ZNF10: variants seen among roughly 807,000 people sequenced by gnomAD.
ZNF10 encodes the protein zinc finger protein 10 (KOX 1).
Under a neutral mutation model 12.2 loss-of-function variants are expected in ZNF10, and 8 were observed. The observed-to-expected ratio is 0.66, with a 90% confidence interval of 0.39 to 1.18. The LOEUF is 1.18. Among genes scored for constraint, ZNF10 ranks in the 50% most tolerant of loss-of-function variants. The pLI is 0.01. For missense variants in ZNF10, 603 were observed against 678.9 expected (o/e 0.89, Z 1.24); for synonymous variants, 229 against 228.2 (o/e 1.00, Z -0.03).
Position 133,151,169 on chromosome 12 carries a change from G to A in ZNF10, c.160+15G>A. 1 of 1,604,712 alleles carries A rather than the reference G, an allele frequency of 6.2e-7. No homozygotes were observed. The highest frequency in any genetic ancestry group is 8.5e-7 in the Non-Finnish European group (1 of 1,174,364). On this transcript the variant is annotated intron_variant, in intron 3 of 4. Coordinates refer to ENST00000248211, the MANE Select transcript of ZNF10 (RefSeq NM_015394.5). ...GGTTTCCTTGGGTAAGACTAGCTCT[G>A]TTTTTGAAGATTTTGGTTCTCCATT... is the stretch of plus-strand genomic sequence containing the variant.
intron 4 of ZNF10, among the ~76,000 whole-genome samples, chr12:133,155,059 CAA>C (rs1017829559): frequency 4.1e-5 from 6 of 146,600 alleles, no homozygotes; most frequent in African/African-American, 1.3e-4. Context: ...GCCTGGACAA[CAA>C]GAGCGAAACT....
chr12:133,142,258 A>G (rs1020466431), intron 1 of ZNF10, among the ~76,000 whole-genome samples: 27 of 152,108 alleles, frequency 1.8e-4, no homozygotes, highest in African/African-American at 5.8e-4. Context: ...CCCCGTCTCT[A>G]CTAAAAAATA....
In ZNF10 at chr12:133,155,981, C is replaced by G; in HGVS notation, c.735C>G (p.Asn245Lys). The change falls in exon 5 of 5, where the codon AAC becomes AAG. Residue 245 changes from asparagine to lysine, a missense_variant. Asn to Lys is a moderately conservative substitution (Grantham distance 94). Around this residue, in one of 3 missense-constraint regions of ZNF10, gnomAD observed 393 missense variants for 399.7 expected, o/e 0.98. Coordinates refer to ENST00000248211, the MANE Select transcript of ZNF10 (RefSeq NM_015394.5). ...CCTACAAATGCCCTGATAATGACAA[C>G]TCTCTTACTCATGGTTCATCTCTTG... is the stretch of plus-strand genomic sequence containing the variant. The part of the protein sequence containing the change: ...DKSYKCPDND[N>K]SLTHGSSLGI... 2 of 1,613,998 alleles carry G rather than the reference C, an allele frequency of 1.2e-6. No individual in the cohort carries two copies. The highest frequency in any genetic ancestry group is 1.7e-6 in the Non-Finnish European group (2 of 1,180,008).
chr12:133,142,274 A>G (rs1194703141), intron 1 of ZNF10, among the ~76,000 whole-genome samples: 1 of 151,970 alleles, frequency 6.6e-6, no homozygotes, highest in African/African-American at 2.4e-5. Context: ...AAATACAAAA[A>G]ATTAGCTTTG....
At chr12:133,152,835 A>G (rs1474924846) in intron 4 of ZNF10, among the ~76,000 whole-genome samples, 1 of 152,204 alleles carries the variant, frequency 6.6e-6, no homozygotes, top group Non-Finnish European at 1.5e-5. Context: ...TTTAGCCTCA[A>G]GTTCTTTCCC....
Position 133,155,509 on chromosome 12 carries a change from A to G in ZNF10, c.263A>G (p.Glu88Gly), listed in dbSNP as rs1001697963. 2 of 1,585,496 alleles carry G rather than the reference A, an allele frequency of 1.3e-6. No individual in the cohort carries two copies. The highest frequency in any genetic ancestry group is 1.7e-6 in the Non-Finnish European group (2 of 1,169,560). The change falls in exon 5 of 5, where the codon GAG becomes GGG. Residue 88 changes from glutamate (E) to glycine (G), a missense_variant. By Grantham distance (98) the Glu-to-Gly change is moderately conservative (BLOSUM62 -2). Around this residue, in one of 3 missense-constraint regions of ZNF10, gnomAD observed 393 missense variants for 399.7 expected, o/e 0.98. Coordinates refer to ENST00000248211, the MANE Select transcript of ZNF10 (RefSeq NM_015394.5). Reference protein sequence around the residue: ...EIHQETHPDSETAFEIKSSVS... With the variant: ...EIHQETHPDSGTAFEIKSSVS... ...CATTTTTCATTTCTTTCAGATTCAG[A>G]GACTGCATTTGAAATCAAATCATCA...
rs759057441 is a variant in ZNF10, at chr12:133,156,781, T to C, written c.1535T>C (p.Val512Ala). The change falls in exon 5 of 5, where the codon GTT (valine) becomes GCT (alanine). Residue 512 changes from valine to alanine, a missense_variant. Val to Ala is a moderately conservative substitution (Grantham distance 64). Coordinates refer to ENST00000248211, the MANE Select transcript of ZNF10 (RefSeq NM_015394.5). Reference sequence around the variant, plus strand: ...CTCATTAAGCACCAGAGAATTCATGTTGGAGAAGAGACCTATAAATGTAAT... The same window carrying C: ...CTCATTAAGCACCAGAGAATTCATGCTGGAGAAGAGACCTATAAATGTAAT... ...NDLIKHQRIHVGEETYKCNQC... is the reference protein window; with the variant it reads ...NDLIKHQRIHAGEETYKCNQC... 9.0e-5 allele frequency: 143 copies of C among 1,584,254 alleles called. No individual in the cohort carries two copies. In the East Asian group the frequency reaches 3.1e-3, roughly 35 times the overall value.
chr12:133,142,532 A>G (rs1310747883), intron 1 of ZNF10, among the ~76,000 whole-genome samples: 1 of 152,166 alleles, frequency 6.6e-6, no homozygotes, highest in Non-Finnish European at 1.5e-5. Context: ...AATTGTAAAC[A>G]TGGGTAAAGG....
In ZNF10 at chr12:133,140,446, T is replaced by TTA. The variant is rs1555299095; in HGVS notation, c.-59-3988_-59-3987insTA. Among the ~76,000 whole-genome samples the TTA allele has an allele frequency of 4.0e-4, 58 of 146,586 alleles. 1 individual carries two copies. Among genetic ancestry groups the TTA allele is most frequent in the East Asian group, 1.6e-3 (8 of 5,040 alleles). On this transcript the variant is annotated intron_variant, in intron 1 of 4. Transcript: ENST00000248211. ...TAGACGTCTTTTTTTTTTTTTTTTT[T>TTA]AAATAAGTCTTACCACGTGTCAGGC... is the stretch of plus-strand genomic sequence containing the variant.
intron 1 of ZNF10, among the ~76,000 whole-genome samples, chr12:133,135,822 A>G (rs1001453961): frequency 6.6e-6 from 1 of 152,236 alleles, no homozygotes; most frequent in Non-Finnish European, 1.5e-5. Context: ...CCCAGCCCAG[A>G]ACACTGCACA....
intron 4 of ZNF10, among the ~76,000 whole-genome samples, chr12:133,153,728 C>T (rs767684230): frequency 2.7e-4 from 41 of 152,072 alleles, no homozygotes; most frequent in African/African-American, 9.7e-4. Context: ...CCTGGGGCTG[C>T]GGTAACAAAG....
intron 2 of ZNF10, among the ~76,000 whole-genome samples, chr12:133,149,293 T>C (rs1480618404): frequency 1.3e-5 from 2 of 150,864 alleles, no homozygotes; most frequent in Non-Finnish European, 3.0e-5. Flanking sequence ...AGGATCTCCC[T>C]ATGTTGTCCA....
intron 2 of ZNF10, chr12:133,144,778 G>T (rs973303860): frequency 1.2e-5 from 6 of 492,890 alleles, no homozygotes; most frequent in Non-Finnish European, 2.2e-5. Flanking sequence ...TGACAGAATG[G>T]AATGAGATTA....
At chr12:133,141,380 C>T (rs919626421) in intron 1 of ZNF10, among the ~76,000 whole-genome samples, 3 of 151,968 alleles carry the variant, frequency 2.0e-5, no homozygotes, top group South Asian at 2.1e-4. Flanking sequence ...ATAGTGAGGA[C>T]GGTAATAATG....
Position 133,144,314 on chromosome 12 carries a change from T to C in ZNF10, c.-59-120T>C, listed in dbSNP as rs998766580. The C allele has an allele frequency of 9.7e-6, 5 of 517,760 alleles. No individual in the cohort carries two copies. In the Admixed American group the frequency reaches 1.5e-4, roughly 15 times the overall value. The allele number at this position is 517,760 out of a possible 1,614,324, so 32.1% of individuals were successfully genotyped here. A position where few individuals can be genotyped will look rare whatever the true frequency, so the allele number is the denominator to read the frequency against. ...AGATTTGCTTATAGAATATCTCTGATGTTCCTCTGTATAGTGGGTGTTTGT... is the reference window on the plus strand; with the variant it reads ...AGATTTGCTTATAGAATATCTCTGACGTTCCTCTGTATAGTGGGTGTTTGT... On this transcript the variant is annotated intron_variant, in intron 1 of 4. Transcript: ENST00000248211.
chr12:133,136,321 T>C (rs962801113), intron 1 of ZNF10, among the ~76,000 whole-genome samples: 1 of 152,210 alleles, frequency 6.6e-6, no homozygotes, highest in African/African-American at 2.4e-5. Context: ...TTTTCATTCC[T>C]ATTGTGGAAT....
chr12:133,155,777 T>C lies in ZNF10; in HGVS notation c.531T>C (p.Ala177=), dbSNP rs1956036037. 1.9e-6 allele frequency: 3 copies of C among 1,613,572 alleles called. No individual in the cohort carries two copies. The East Asian group carries it at 6.7e-5, about 36-fold the overall frequency. ...GKYGGNCLLP[A]QLVLREYFHK... ...ATGGGGGAAACTGTCTTCTTCCTGCTCAGCTAGTACTGAGAGAGTATTTCC... is the reference window on the plus strand; with the variant it reads ...ATGGGGGAAACTGTCTTCTTCCTGCCCAGCTAGTACTGAGAGAGTATTTCC... Residue 177 remains alanine, a synonymous_variant, in exon 5 of 5, where the codon GCT becomes GCC. Coordinates refer to ENST00000248211, the MANE Select transcript of ZNF10 (RefSeq NM_015394.5).
intron 4 of ZNF10, among the ~76,000 whole-genome samples, chr12:133,154,572 C>T (rs1463100431): frequency 6.6e-6 from 1 of 152,146 alleles, no homozygotes; most frequent in African/African-American, 2.4e-5. Context: ...ATGAATTCTT[C>T]AAAGTTTAGC....
At chr12:133,152,174 C>G (rs941665573) in intron 4 of ZNF10, among the ~76,000 whole-genome samples, 1 of 152,332 alleles carries the variant, frequency 6.6e-6, no homozygotes, top group African/African-American at 2.4e-5. Flanking sequence ...CTTGTGCTTT[C>G]GTTTGTCATA....
Sources: allele counts gnomAD v4.1 joint callset (sites outside exome capture counted in the v4.1 genomes callset), GRCh38; gene constraint gnomAD v4.1.1; regional missense constraint gnomAD v4.1.1; transcripts MANE v1.5; gene names NCBI Gene and HGNC (gene_info 2026-07-23, HGNC 2026-07-21).